The following CHRM3 variants were observed in gnomAD, a reference collection of about 807,000 sequenced individuals.
CHRM3 encodes muscarinic acetylcholine receptor M3.
Under a neutral mutation model 41.8 loss-of-function variants are expected in CHRM3, and 11 were observed. That is an observed-to-expected ratio of 0.26 (90% CI 0.17 to 0.44). CHRM3 has a LOEUF of 0.44. Among genes scored for constraint, CHRM3 ranks in the 20% least tolerant of loss-of-function variants. The pLI is 1.00. For synonymous variants in CHRM3, 297 were observed against 301.4 expected (o/e 0.99, Z 0.15); for missense variants, 571 against 745.4 (o/e 0.77, Z 2.72).
At chr1:239,815,652 C>T (rs1572384885) in intron 5 of CHRM3, among the ~76,000 whole-genome samples, 1 of 152,196 alleles carries the variant, frequency 6.6e-6, no homozygotes, top group Non-Finnish European at 1.5e-5. Flanking sequence ...ACATTTACCA[C>T]AGGGTAGGTC....
chr1:239,589,277 G>A (rs956604952), intron 3 of CHRM3, among the ~76,000 whole-genome samples: 6 of 151,840 alleles, frequency 4.0e-5, no homozygotes, highest in East Asian at 2.0e-4. Flanking sequence ...ATTAATTCTC[G>A]TGAATAGTTA....
At chr1:239,632,114 T>A (rs1669913790) in intron 3 of CHRM3, 110 bp from the exon 4 acceptor site, 1 of 152,248 alleles carries the variant, frequency 6.6e-6, no homozygotes, top group Admixed American at 6.5e-5. Flanking sequence ...TTCTGTAATT[T>A]TTTTTCCATT....
intron 2 of CHRM3, among the ~76,000 whole-genome samples, chr1:239,511,076 G>T (rs1392756040): frequency 6.6e-6 from 1 of 152,190 alleles, no homozygotes; most frequent in East Asian, 1.9e-4. Flanking sequence ...CACAGGCAAA[G>T]AATTGAAAAG....
chr1:239,535,224 A>G (rs1288615323), intron 2 of CHRM3, among the ~76,000 whole-genome samples: 4 of 152,160 alleles, frequency 2.6e-5, no homozygotes, highest in Admixed American at 6.5e-5. Context: ...CAACCGTGCC[A>G]GTGGCCCACA....
intron 5 of CHRM3, among the ~76,000 whole-genome samples, chr1:239,769,127 T>C (rs1206093325): frequency 1.3e-5 from 2 of 152,126 alleles, no homozygotes; most frequent in Non-Finnish European, 2.9e-5. Flanking sequence ...TGCCAGGAAT[T>C]TCTTCTTTCA....
intron 1 of CHRM3, among the ~76,000 whole-genome samples, chr1:239,486,581 C>G (rs1162749931): frequency 6.6e-6 from 1 of 152,234 alleles, no homozygotes; most frequent in Non-Finnish European, 1.5e-5. Context: ...CATATGACCT[C>G]TCTTGCAACT....
chr1:239,643,316 T>G (rs1456389537), intron 4 of CHRM3, among the ~76,000 whole-genome samples: 1 of 152,218 alleles, frequency 6.6e-6, no homozygotes, highest in African/African-American at 2.4e-5. Context: ...CAGGGACATT[T>G]AAGTCTGCAG....
chr1:239,467,867 A>G (rs974762095), intron 1 of CHRM3, among the ~76,000 whole-genome samples: 12 of 151,360 alleles, frequency 7.9e-5, no homozygotes, highest in African/African-American at 2.7e-4. Context: ...TCCTTAAAAT[A>G]GAATTCATCA....
intron 4 of CHRM3, among the ~76,000 whole-genome samples, chr1:239,661,972 A>G (rs1201720502): frequency 2.0e-5 from 3 of 152,146 alleles, no homozygotes; most frequent in Non-Finnish European, 4.4e-5. Flanking sequence ...CTGCAAACCT[A>G]AAACTACCAT....
At chr1:239,601,852 T>G (rs1446721522) in intron 3 of CHRM3, among the ~76,000 whole-genome samples, 2 of 151,970 alleles carry the variant, frequency 1.3e-5, no homozygotes, top group Non-Finnish European at 2.9e-5. Flanking sequence ...TTCCTAGTGG[T>G]GCAATAACTG....
At chr1:239,892,155 C>A (rs946342447) in intron 6 of CHRM3, among the ~76,000 whole-genome samples, 2 of 152,142 alleles carry the variant, frequency 1.3e-5, no homozygotes, top group Non-Finnish European at 2.9e-5. Context: ...ATTCCTTTGG[C>A]CTGTTGTTTT....
At chr1:239,852,886 C>T (rs1048039272) in intron 6 of CHRM3, among the ~76,000 whole-genome samples, 1 of 152,204 alleles carries the variant, frequency 6.6e-6, no homozygotes, top group East Asian at 1.9e-4. Flanking sequence ...TATGTATTGA[C>T]AGGTGTTACA....
chr1:239,744,140 A>G (rs1295580827), intron 5 of CHRM3, among the ~76,000 whole-genome samples: 1 of 151,906 alleles, frequency 6.6e-6, no homozygotes, highest in African/African-American at 2.4e-5. Flanking sequence ...CAAAATTAAT[A>G]ACTACTTCAT....
At chr1:239,567,498 TA>T (rs951536853) in intron 3 of CHRM3, among the ~76,000 whole-genome samples, 2 of 152,090 alleles carry the variant, frequency 1.3e-5, no homozygotes, top group Non-Finnish European at 2.9e-5. Context: ...ATATGCAGGG[TA>T]AAAAAACACA....
intron 6 of CHRM3, among the ~76,000 whole-genome samples, chr1:239,882,277 C>T (rs1185901749): frequency 6.6e-6 from 1 of 152,124 alleles, no homozygotes; most frequent in Non-Finnish European, 1.5e-5. Context: ...AAATCATATG[C>T]TAATTCGTAG....
intron 2 of CHRM3, among the ~76,000 whole-genome samples, chr1:239,516,146 T>C (rs550391041): frequency 9.2e-5 from 14 of 152,344 alleles, no homozygotes; most frequent in Middle Eastern, 6.8e-3. Context: ...CCTGCTAGTG[T>C]AATTTTTTTT....
intron 2 of CHRM3, among the ~76,000 whole-genome samples, chr1:239,531,472 T>C (rs1670396735): frequency 6.6e-6 from 1 of 152,090 alleles, no homozygotes; most frequent in Admixed American, 6.6e-5. Flanking sequence ...ATAAATTTTA[T>C]AGTTTGATCA....
intron 6 of CHRM3, among the ~76,000 whole-genome samples, chr1:239,896,978 G>T (rs1246218577): frequency 1.3e-5 from 2 of 152,192 alleles, no homozygotes; most frequent in Admixed American, 1.3e-4. Context: ...AGAAACTGCT[G>T]TGGGCCAGTC....
chr1:239,571,801 T>C (rs1308877778), intron 3 of CHRM3, among the ~76,000 whole-genome samples: 2 of 152,200 alleles, frequency 1.3e-5, no homozygotes, highest in Non-Finnish European at 2.9e-5. Context: ...CCTTTTCTCT[T>C]ACAAGTAATT....
Sources: allele counts gnomAD v4.1 joint callset (sites outside exome capture counted in the v4.1 genomes callset), GRCh38; gene constraint gnomAD v4.1.1; transcripts MANE v1.5; gene names NCBI Gene and HGNC (gene_info 2026-07-23, HGNC 2026-07-21).